ASTN2: variants seen among roughly 807,000 people sequenced by gnomAD.
The protein encoded by ASTN2 is astrotactin 2.
Under a neutral mutation model 139.8 loss-of-function variants are expected in ASTN2, and 54 were observed. The ratio of observed to expected loss-of-function variants is 0.39; its 90% CI spans 0.31 to 0.48. The LOEUF is 0.48. Among genes scored for constraint, ASTN2 ranks in the 20% least tolerant of loss-of-function variants. ASTN2 has a pLI of 0.95. For missense variants in ASTN2, 1,565 were observed against 1,725.1 expected, an observed-to-expected ratio of 0.91 and a Z score of 1.64; for synonymous variants, 756 against 719.5, an observed-to-expected ratio of 1.05 and a Z score of -0.81.
intron 4 of ASTN2, among the ~76,000 whole-genome samples, chr9:117,110,084 T>C (rs760345764): frequency 6.6e-6 from 1 of 152,208 alleles, no homozygotes; most frequent in Non-Finnish European, 1.5e-5. Context: ...TATATATATG[T>C]TCATAAATTT....
intron 1 of ASTN2, among the ~76,000 whole-genome samples, chr9:117,381,829 A>C (rs1830278845): frequency 6.6e-6 from 1 of 152,258 alleles, no homozygotes; most frequent in South Asian, 2.1e-4. Context: ...TATGTGAATT[A>C]TATCTTAAGT....
chr9:116,835,746 T>A (rs1332341078), intron 11 of ASTN2, among the ~76,000 whole-genome samples: 1 of 152,174 alleles, frequency 6.6e-6, no homozygotes, highest in African/African-American at 2.4e-5. Context: ...TCAGAATAAA[T>A]CTTTTCAAAT....
intron 2 of ASTN2, among the ~76,000 whole-genome samples, chr9:117,245,317 C>T (rs1833347152): frequency 6.6e-6 from 1 of 152,214 alleles, no homozygotes; most frequent in Admixed American, 6.5e-5. Context: ...GGCTAATAAG[C>T]CTGCTATCCA....
At chr9:116,839,672 A>G (rs1832131908) in intron 11 of ASTN2, among the ~76,000 whole-genome samples, 1 of 150,962 alleles carries the variant, frequency 6.6e-6, no homozygotes, top group African/African-American at 2.4e-5. Context: ...ATTTTTGTAT[A>G]TATATATTTT....
rs1216427930 is a variant in ASTN2, at chr9:116,679,289, T to C, written c.2807-27496A>G. Among the ~76,000 whole-genome samples the C allele has an allele frequency of 2.0e-5, 3 of 152,248 alleles. No homozygotes were observed. The East Asian group carries it at 5.8e-4, about 29-fold the overall frequency. On this transcript the variant is annotated intron_variant, in intron 16 of 22. Coordinates refer to ENST00000313400, the MANE Select transcript of ASTN2 (RefSeq NM_001365068.1). Reference sequence around the variant, plus strand: ...AAATCAAATTATAAATTATGCCTCTTTCTAGCCTAATCTTTTAGATATTAA... The same window carrying C: ...AAATCAAATTATAAATTATGCCTCTCTCTAGCCTAATCTTTTAGATATTAA...
chr9:117,234,671 A>G (rs1832991176), intron 2 of ASTN2, among the ~76,000 whole-genome samples: 1 of 152,202 alleles, frequency 6.6e-6, no homozygotes, highest in African/African-American at 2.4e-5. Context: ...GGGGGTCTGA[A>G]ATCTCTAGAG....
intron 16 of ASTN2, among the ~76,000 whole-genome samples, chr9:116,718,975 C>CAT (rs145923400): frequency 2.1e-4 from 24 of 116,564 alleles, no homozygotes; most frequent in East Asian, 4.7e-4. Flanking sequence ...TGTATCTGTA[C>CAT]ATATATATAT....
intron 16 of ASTN2, among the ~76,000 whole-genome samples, chr9:116,703,911 A>T (rs1329426919): frequency 2.0e-5 from 3 of 152,182 alleles, no homozygotes; most frequent in Non-Finnish European, 4.4e-5. Context: ...GATGAATTTT[A>T]CAAGCAGGGC....
intron 19 of ASTN2, chr9:116,581,804 C>T (rs1399845356): frequency 6.6e-6 from 1 of 152,232 alleles, no homozygotes; most frequent in Non-Finnish European, 1.5e-5. Context: ...CCCATCCACA[C>T]AGCCTAGGTC....
At chr9:117,241,138 A>G (rs999285339) in intron 2 of ASTN2, among the ~76,000 whole-genome samples, 1 of 152,134 alleles carries the variant, frequency 6.6e-6, no homozygotes, top group Non-Finnish European at 1.5e-5. Flanking sequence ...AGACAAATAA[A>G]CAAAACTCCA....
At chr9:116,565,268 T>C (rs1165644397) in intron 19 of ASTN2, among the ~76,000 whole-genome samples, 1 of 140,094 alleles carries the variant, frequency 7.1e-6, no homozygotes, top group African/African-American at 2.7e-5. Context: ...ATATGCCCCA[T>C]ACTGAGGAGA....
chr9:117,074,622 A>G (rs1587934967), intron 5 of ASTN2, among the ~76,000 whole-genome samples: 1 of 152,306 alleles, frequency 6.6e-6, no homozygotes, highest in African/African-American at 2.4e-5. Flanking sequence ...AGAACAGCAG[A>G]AGTGGCAATC....
Position 116,698,952 on chromosome 9 carries a change from T to G in ASTN2, c.2806+26819A>C. 6.2e-7 allele frequency: 1 copy of G among 1,614,184 alleles called. No homozygotes were observed. The highest frequency in any genetic ancestry group is 8.5e-7 in the Non-Finnish European group (1 of 1,180,032). On this transcript the variant is annotated intron_variant, in intron 16 of 22. Coordinates refer to ENST00000313400, the MANE Select transcript of ASTN2 (RefSeq NM_001365068.1). The surrounding 1 kb of genome is among the most constrained non-coding windows in gnomAD (Gnocchi z 4.4). ...ACAAGTCTTTACCCGCAAAGGCTTT[T>G]TGAAGGAAATCCGCCGCAGCCCCAG...
chr9:117,037,065 C>A (rs1366935164), intron 6 of ASTN2, among the ~76,000 whole-genome samples: 1 of 152,128 alleles, frequency 6.6e-6, no homozygotes, highest in Non-Finnish European at 1.5e-5. Flanking sequence ...AGGCAACATT[C>A]ATCCACTGGA....
chr9:116,977,721 T>TC lies in ASTN2; in HGVS notation c.1592-937_1592-936insG, dbSNP rs375418497. ...AGGTATAGAATTTCTTTTTCTTTTTTTTTTTTTTTTTGAGACTGAGAGTCT... is the reference window on the plus strand; with the variant it reads ...AGGTATAGAATTTCTTTTTCTTTTTTCTTTTTTTTTTTGAGACTGAGAGTCT... On this transcript the variant is annotated intron_variant, in intron 7 of 22. Transcript: ENST00000313400. Among the ~76,000 whole-genome samples, 868 of 147,368 alleles carry TC rather than the reference T, an allele frequency of 5.9e-3. 11 individuals carry two copies. Among genetic ancestry groups the TC allele is most frequent in the African/African-American group, 0.021 (831 of 40,164 alleles).
At chr9:116,516,505 A>G (rs1850655437) in intron 19 of ASTN2, among the ~76,000 whole-genome samples, 1 of 152,220 alleles carries the variant, frequency 6.6e-6, no homozygotes, top group South Asian at 2.1e-4. Flanking sequence ...AGGAGGAAGG[A>G]CTAGCTTGCA....
At chr9:116,978,284 G>T (rs989816422) in intron 7 of ASTN2, among the ~76,000 whole-genome samples, 3 of 152,218 alleles carry the variant, frequency 2.0e-5, no homozygotes, top group South Asian at 2.1e-4. Flanking sequence ...ATGCTAGTAG[G>T]AACCGCCCTG....
At chr9:117,034,510 C>T (rs572369424) in intron 6 of ASTN2, among the ~76,000 whole-genome samples, 1 of 152,228 alleles carries the variant, frequency 6.6e-6, no homozygotes, top group African/African-American at 2.4e-5. Context: ...ATTAAAGATG[C>T]TTATAATGAT....
At chr9:116,607,237 T>C (rs148251055) in intron 19 of ASTN2, among the ~76,000 whole-genome samples, 82 of 152,302 alleles carry the variant, frequency 5.4e-4, no homozygotes, top group Admixed American at 3.1e-3. Flanking sequence ...CCATATGCAA[T>C]TCAGTTCAGT....
Sources: allele counts gnomAD v4.1 joint callset (sites outside exome capture counted in the v4.1 genomes callset), GRCh38; gene constraint gnomAD v4.1.1; non-coding constraint Gnocchi (gnomAD v3.1); transcripts MANE v1.5; gene names NCBI Gene and HGNC (gene_info 2026-07-23, HGNC 2026-07-21).